The following TBC1D4 variants were observed in gnomAD, a reference collection of about 807,000 sequenced individuals.
TBC1D4 encodes the protein TBC (Tre-2, BUB2, CDC16) domain-containing protein.
A neutral mutation model predicts 142.5 loss-of-function variants in TBC1D4; 121 were observed. The ratio of observed to expected loss-of-function variants is 0.85; its 90% CI spans 0.73 to 0.99. TBC1D4 has a LOEUF of 0.99. TBC1D4 is among the 50% of genes least tolerant of loss of function. The pLI is 0.00. For missense variants in TBC1D4, 1,475 were observed against 1,606.6 expected (o/e 0.92, Z 1.40); for synonymous variants, 630 against 628.2 (o/e 1.00, Z -0.04).
At chr13:75,325,280 A>G (rs1879129220) in intron 10 of TBC1D4, among the ~76,000 whole-genome samples, 1 of 152,200 alleles carries the variant, frequency 6.6e-6, no homozygotes. Context: ...TTTGTATCAT[A>G]AAATATCTCA....
intron 13 of TBC1D4, among the ~76,000 whole-genome samples, 180 bp from the exon 14 acceptor site, chr13:75,310,331 C>A (rs1224744739): frequency 2.0e-5 from 3 of 152,180 alleles, no homozygotes; most frequent in African/African-American, 4.8e-5. Context: ...ATTCCCCTTC[C>A]AGATTTCCCT....
In TBC1D4 at chr13:75,379,885, CTCTTTTTTTT is replaced by C. The variant is rs1195078869; in HGVS notation, c.499-17288_499-17279del. 2.3e-3 allele frequency among the ~76,000 whole-genome samples: 224 copies of C among 98,552 alleles called. 14 individuals are homozygous for C. Among genetic ancestry groups the C allele is most frequent in the African/African-American group, 7.0e-3 (194 of 27,836 alleles). 64.7% of individuals were successfully genotyped at this position (98,552 alleles called of 152,430 possible). A position where few individuals can be genotyped will look rare whatever the true frequency, so the allele number is the denominator to read the frequency against. ...AAGTATATCAGTTTTGTTCATCTGA[CTCTTTTTTTT>C]TTTTTTTTTTTTTTTTTTTTTTTTT... On this transcript the variant is annotated intron_variant, in intron 1 of 20. Transcript: ENST00000377636.
At chr13:75,409,009 A>T (rs935749127) in intron 1 of TBC1D4, among the ~76,000 whole-genome samples, 1 of 149,420 alleles carries the variant, frequency 6.7e-6, no homozygotes, top group African/African-American at 2.5e-5. Flanking sequence ...TCCCTCTGAT[A>T]TATGATTGTG....
At chr13:75,429,442 T>C (rs1487337845) in intron 1 of TBC1D4, among the ~76,000 whole-genome samples, 1 of 152,206 alleles carries the variant, frequency 6.6e-6, no homozygotes, top group Non-Finnish European at 1.5e-5. Flanking sequence ...TGATTTGAGG[T>C]TGACCCAGAG....
At chr13:75,419,616 T>C (rs1886076816) in intron 1 of TBC1D4, among the ~76,000 whole-genome samples, 1 of 152,126 alleles carries the variant, frequency 6.6e-6, no homozygotes, top group Admixed American at 6.5e-5. Context: ...AACCACACAG[T>C]AGTGTAAAGG....
intron 1 of TBC1D4, among the ~76,000 whole-genome samples, chr13:75,422,765 A>C (rs1444200657): frequency 6.6e-6 from 1 of 152,284 alleles, no homozygotes; most frequent in South Asian, 2.1e-4. Context: ...AATATTCCTC[A>C]ATGTACTTCT....
chr13:75,331,675 C>CTCGCTTT (rs1879756662), intron 8 of TBC1D4, among the ~76,000 whole-genome samples: 1 of 152,044 alleles, frequency 6.6e-6, no homozygotes, highest in African/African-American at 2.4e-5. Context: ...TTCCCTTGGA[C>CTCGCTTT]TCGCTTTTTA....
At chr13:75,325,263 T>C (rs1295546169) in intron 10 of TBC1D4, among the ~76,000 whole-genome samples, 2 of 60,428 alleles carry the variant, frequency 3.3e-5, no homozygotes, top group Non-Finnish European at 1.4e-4. Flanking sequence ...CTCTGTTAAC[T>C]TTATTTTTTG....
At chr13:75,380,145 C>T (rs1468747646) in intron 1 of TBC1D4, among the ~76,000 whole-genome samples, 1 of 151,242 alleles carries the variant, frequency 6.6e-6, no homozygotes, top group Non-Finnish European at 1.5e-5. Context: ...TCCCAAAGTG[C>T]TGGGATTACA....
intron 8 of TBC1D4, among the ~76,000 whole-genome samples, chr13:75,333,127 G>C (rs570039527): frequency 1.4e-4 from 22 of 152,256 alleles, no homozygotes; most frequent in African/African-American, 5.3e-4. Flanking sequence ...AGATCACTAA[G>C]GAAGACACTT....
chr13:75,318,625 T>C (rs1486460937), intron 12 of TBC1D4, among the ~76,000 whole-genome samples: 1 of 152,220 alleles, frequency 6.6e-6, no homozygotes, highest in Non-Finnish European at 1.5e-5. Flanking sequence ...ACAGTTTATA[T>C]AGGTTCTGGC....
intron 1 of TBC1D4, among the ~76,000 whole-genome samples, chr13:75,473,886 A>T (rs1888519381): frequency 6.6e-6 from 1 of 152,202 alleles, no homozygotes; most frequent in Non-Finnish European, 1.5e-5. Flanking sequence ...AAATAAATTC[A>T]AATTCATGGT....
intron 1 of TBC1D4, among the ~76,000 whole-genome samples, chr13:75,371,284 T>C (rs1295787411): frequency 1.3e-5 from 2 of 152,054 alleles, no homozygotes; most frequent in Non-Finnish European, 2.9e-5. Flanking sequence ...CAGCTTCCAA[T>C]AGAGAATACA....
At chr13:75,378,150 C>T (rs1268504142) in intron 1 of TBC1D4, among the ~76,000 whole-genome samples, 1 of 152,088 alleles carries the variant, frequency 6.6e-6, no homozygotes, top group African/African-American at 2.4e-5. Flanking sequence ...TTGTTTTCCA[C>T]ACATACCAGC....
Position 75,291,937 on chromosome 13 carries a change from GA to G in TBC1D4, c.3486+164del, listed in dbSNP as rs200715103. 5.9e-3 allele frequency among the ~76,000 whole-genome samples: 899 copies of G among 152,234 alleles called. 3 individuals are homozygous for G. The highest frequency in any genetic ancestry group is 8.9e-3 in the Non-Finnish European group (607 of 68,000). On this transcript the variant is annotated intron_variant, in intron 19 of 20. Transcript: ENST00000377636. ...AAACAGCATTTTTTGTGCATAGCCA[GA>G]TAGAAAATGTCACAGTGTAGAAATT...
At chr13:75,471,341 C>T (rs1161603227) in intron 1 of TBC1D4, among the ~76,000 whole-genome samples, 1 of 152,074 alleles carries the variant, frequency 6.6e-6, no homozygotes, top group Non-Finnish European at 1.5e-5. Flanking sequence ...ATAATGTGAC[C>T]AGTGGAAAGG....
Position 75,292,275 on chromosome 13 carries a change from AAAG to A in TBC1D4, c.3317-7_3317-5del. The A allele has an allele frequency of 6.2e-7, 1 of 1,607,624 alleles. No homozygotes were observed. Among genetic ancestry groups the A allele is most frequent in the Non-Finnish European group, 8.5e-7 (1 of 1,176,394 alleles). The stretch of plus-strand genomic sequence containing the variant: ...GTTCCCTGAAGAAAAATAATATCTA[AAAG>A]AAGAGATATAATTTTCATGATCAAA... On this transcript the variant is annotated splice_region_variant and splice_polypyrimidine_tract_variant and intron_variant, in intron 18 of 20. Transcript: ENST00000377636.
chr13:75,418,221 A>T (rs1056409148), intron 1 of TBC1D4, among the ~76,000 whole-genome samples: 1 of 152,208 alleles, frequency 6.6e-6, no homozygotes, highest in Non-Finnish European at 1.5e-5. Context: ...GGTGTTACTA[A>T]GCCCCACCGA....
chr13:75,427,234 C>A (rs73537555), intron 1 of TBC1D4, among the ~76,000 whole-genome samples: 4,641 of 152,190 alleles, frequency 0.03, 248 homozygotes, highest in African/African-American at 0.1. Flanking sequence ...GCTACAGGCG[C>A]CCCTCACCGC....
Sources: gnomAD v4.1 joint callset for allele counts (sites outside exome capture counted in the v4.1 genomes callset) on GRCh38, gnomAD v4.1.1 for gene constraint, MANE v1.5 for transcripts, NCBI Gene and HGNC (gene_info 2026-07-23, HGNC 2026-07-21) for gene names.